Variants in LARGE1 observed in about 807,000 individuals in gnomAD.
LARGE1 encodes the protein xylosyl- and glucuronyltransferase LARGE1.
A neutral mutation model predicts 87.6 loss-of-function variants in LARGE1; 43 were observed. The observed-to-expected ratio is 0.49, with a 90% CI of 0.38 to 0.63. The LOEUF (loss-of-function observed/expected upper bound fraction) is 0.63. LARGE1 is among the 30% of genes least tolerant of loss of function. LARGE1 has a pLI of 0.00. For synonymous variants in LARGE1, 434 were observed against 394.6 expected (o/e 1.10, Z -1.18); for missense variants, 802 against 1,000.2 (o/e 0.80, Z 2.67).
chr22:33,319,366 C>A (rs574266834), intron 10 of LARGE1, among the ~76,000 whole-genome samples: 1 of 152,266 alleles, frequency 6.6e-6, no homozygotes, highest in South Asian at 2.1e-4. Context: ...CAAAGTCATG[C>A]AAGCCAGCCT....
chr22:33,542,548 T>C (rs1017311868), intron 6 of LARGE1, among the ~76,000 whole-genome samples: 1 of 150,540 alleles, frequency 6.6e-6, no homozygotes, highest in Admixed American at 6.7e-5. Flanking sequence ...ATTTTGTTTA[T>C]TCAATAACTA....
chr22:33,623,357 C>CAGT (rs1555975994), intron 4 of LARGE1, among the ~76,000 whole-genome samples: 1 of 152,160 alleles, frequency 6.6e-6, no homozygotes. Context: ...GGTCAGAAGA[C>CAGT]AGTAGGTCAA....
At chr22:33,305,743 T>C (rs1043425915) in intron 11 of LARGE1, 5 of 196,936 alleles carry the variant, frequency 2.5e-5, no homozygotes, top group African/African-American at 1.2e-4. Context: ...CCTCGTTCAA[T>C]AGGGAGGATT....
At chr22:33,556,382 G>A (rs2077676795) in intron 6 of LARGE1, among the ~76,000 whole-genome samples, 1 of 152,010 alleles carries the variant, frequency 6.6e-6, no homozygotes, top group African/African-American at 2.4e-5. Context: ...TTAGCAACAG[G>A]AGGGTAGAGC....
rs1460527058 is a variant in LARGE1, at chr22:33,324,302, C to G, written c.1288-8054G>C. 2.3e-5 allele frequency among the ~76,000 whole-genome samples: 3 copies of G among 127,924 alleles called. No homozygotes were observed. In the East Asian group the frequency reaches 6.2e-4, roughly 26 times the overall value. 83.9% of individuals were successfully genotyped at this position (127,924 alleles called of 152,430 possible). A position where few individuals can be genotyped will look rare whatever the true frequency, so the allele number is the denominator to read the frequency against. On this transcript the variant is annotated intron_variant, in intron 10 of 14. Coordinates refer to ENST00000397394, the MANE Select transcript of LARGE1 (RefSeq NM_133642.5). ...AAAAGCCAAAAACAAACAACCCCCC[C>G]CCCAAAACAAACAACAAAAAAGCCA...
intron 1 of LARGE1, among the ~76,000 whole-genome samples, chr22:33,907,588 A>G (rs1296465876): frequency 1.3e-5 from 2 of 149,558 alleles, no homozygotes; most frequent in African/African-American, 5.0e-5. Flanking sequence ...TTTTTGAGAC[A>G]GAGTCTCGCT....
chr22:33,883,796 C>T (rs931708336), intron 1 of LARGE1, among the ~76,000 whole-genome samples: 4 of 152,232 alleles, frequency 2.6e-5, no homozygotes, highest in Middle Eastern at 3.2e-3. Flanking sequence ...CAAACCCTCC[C>T]GGACCAACCT....
chr22:33,423,505 C>T (rs1368318414), intron 7 of LARGE1, among the ~76,000 whole-genome samples: 1 of 150,962 alleles, frequency 6.6e-6, no homozygotes, highest in Non-Finnish European at 1.5e-5. Flanking sequence ...AGTGAAACCC[C>T]GTCTCTATTA....
intron 1 of LARGE1, among the ~76,000 whole-genome samples, chr22:33,780,172 G>A (rs946078473): frequency 1.2e-4 from 19 of 152,202 alleles, no homozygotes; most frequent in Admixed American, 5.2e-4. Context: ...TTACAAGGAC[G>A]CTGGTTGTAA....
At chr22:33,898,162 T>C (rs2065193229) in intron 1 of LARGE1, among the ~76,000 whole-genome samples, 2 of 152,168 alleles carry the variant, frequency 1.3e-5, no homozygotes, top group African/African-American at 4.8e-5. Flanking sequence ...GAGCCAGGCT[T>C]AAAAGAGCTC....
intron 6 of LARGE1, among the ~76,000 whole-genome samples, chr22:33,495,824 A>C (rs2070087908): frequency 6.6e-6 from 1 of 152,184 alleles, no homozygotes; most frequent in South Asian, 2.1e-4. Context: ...GGTAGACTCT[A>C]ACTGGATCTG....
chr22:33,712,185 A>G (rs2082749941), intron 2 of LARGE1, among the ~76,000 whole-genome samples: 1 of 151,894 alleles, frequency 6.6e-6, no homozygotes, highest in South Asian at 2.1e-4. Context: ...CCACTATCCC[A>G]TTTGGCACAA....
intron 2 of LARGE1, among the ~76,000 whole-genome samples, chr22:33,678,754 C>A (rs942015236): frequency 6.6e-6 from 1 of 152,186 alleles, no homozygotes; most frequent in African/African-American, 2.4e-5. Flanking sequence ...CAGAGCGCAC[C>A]ATGGGACAGA....
At chr22:33,814,087 G>C (rs569366687) in intron 1 of LARGE1, among the ~76,000 whole-genome samples, 2 of 152,150 alleles carry the variant, frequency 1.3e-5, no homozygotes, top group African/African-American at 4.8e-5. Flanking sequence ...ATCATATCTC[G>C]TCTCCAAAAT....
the LARGE1 span, among the ~76,000 whole-genome samples, chr22:33,078,690 T>C: frequency 6.6e-6 from 1 of 152,204 alleles, no homozygotes; most frequent in Admixed American, 6.5e-5. Flanking sequence ...TGAATTAGCC[T>C]TTATTTTGTG....
At chr22:33,460,521 T>C (rs1332920302) in intron 6 of LARGE1, among the ~76,000 whole-genome samples, 6 of 152,156 alleles carry the variant, frequency 3.9e-5, no homozygotes, top group Admixed American at 1.3e-4. Flanking sequence ...CATACATGCA[T>C]TTATCTGTGT....
intron 6 of LARGE1, among the ~76,000 whole-genome samples, chr22:33,473,174 T>TG: frequency 6.6e-6 from 1 of 152,080 alleles, no homozygotes; most frequent in East Asian, 1.9e-4. Flanking sequence ...CTCTCTTTTT[T>TG]TTTTTTTCTT....
chr22:33,864,304 G>C (rs1370370523), intron 1 of LARGE1, among the ~76,000 whole-genome samples: 1 of 152,158 alleles, frequency 6.6e-6, no homozygotes, highest in Non-Finnish European at 1.5e-5. Context: ...CCTATGTTCA[G>C]GAAGGTTATT....
chr22:33,580,285 G>A (rs2078478337), intron 5 of LARGE1, among the ~76,000 whole-genome samples: 2 of 151,758 alleles, frequency 1.3e-5, no homozygotes, highest in South Asian at 2.1e-4. Flanking sequence ...CAGGAGAATC[G>A]CTTGAACCCA....
Sources: gnomAD v4.1 joint callset for allele counts (sites outside exome capture counted in the v4.1 genomes callset) on GRCh38, gnomAD v4.1.1 for gene constraint, MANE v1.5 for transcripts, NCBI Gene and HGNC (gene_info 2026-07-23, HGNC 2026-07-21) for gene names.